Variants in ACOT11 observed in about 807,000 individuals in gnomAD.
The protein encoded by ACOT11 is acyl-CoA thioesterase 11, also known as acyl-coenzyme A thioesterase 11.
ACOT11 carries 69 observed loss-of-function variants against 77.5 expected under a neutral mutation model. That is an observed-to-expected ratio of 0.89 (90% CI 0.73 to 1.09). ACOT11 has a LOEUF of 1.09. Among genes scored for constraint, ACOT11 ranks in the 50% least tolerant of loss-of-function variants. The pLI is 0.00. For missense variants in ACOT11, 766 were observed against 813.7 expected, an observed-to-expected ratio of 0.94 and a Z score of 0.71; for synonymous variants, 279 against 313.0, an observed-to-expected ratio of 0.89 and a Z score of 1.15.
intron 1 of ACOT11, among the ~76,000 whole-genome samples, chr1:54,562,535 C>CG (rs1196685938): frequency 1.6e-4 from 10 of 62,946 alleles, no homozygotes; most frequent in African/African-American, 4.9e-4. Context: ...GCTGGCCGGG[C>CG]GGGGGGCTGA....
downstream of ACOT11, chr1:54,611,110 T>A: frequency 1.3e-6 from 1 of 793,154 alleles, no homozygotes; most frequent in Non-Finnish European, 1.5e-6. Flanking sequence ...GCTGTTTCTC[T>A]ATAAAATGGA....
Position 54,607,301 on chromosome 1 carries a change from C to T in ACOT11, c.1502+36C>T, listed in dbSNP as rs1644038120. On this transcript the variant is annotated intron_variant, in intron 14 of 15. Transcript: ENST00000343744. This position sits in a 1 kb window ranked among gnomAD's most constrained non-coding sequence, Gnocchi z 4.5. ...ATCTGCTGTGGGGTGGGGGACACAACTGGACAGGGTGGTAGGGTGGCCGCT... is the reference window on the plus strand; with the variant it reads ...ATCTGCTGTGGGGTGGGGGACACAATTGGACAGGGTGGTAGGGTGGCCGCT... 6.2e-7 allele frequency: 1 copy of T among 1,612,178 alleles called. No individual in the cohort carries two copies. The highest frequency in any genetic ancestry group is 1.1e-5 in the South Asian group (1 of 91,030).
intron 1 of ACOT11, among the ~76,000 whole-genome samples, chr1:54,555,486 T>C (rs1275905814): frequency 6.6e-6 from 1 of 152,216 alleles, no homozygotes; most frequent in African/African-American, 2.4e-5. Context: ...TAACCCCTTG[T>C]CAGATATATA....
intron 1 of ACOT11, among the ~76,000 whole-genome samples, chr1:54,554,333 G>GTGTATA (rs1324068229): frequency 2.1e-5 from 2 of 96,380 alleles, no homozygotes; most frequent in Admixed American, 1.2e-4. Context: ...GTGTGTGTGT[G>GTGTATA]TATATATATA....
At chr1:54,553,082 C>G (rs1416561092) in intron 1 of ACOT11, among the ~76,000 whole-genome samples, 3 of 151,862 alleles carry the variant, frequency 2.0e-5, no homozygotes, top group Non-Finnish European at 2.9e-5. Flanking sequence ...CCGCCTAGGC[C>G]TCCCAAAGTG....
chr1:54,584,677 A>G lies in ACOT11; in HGVS notation c.56A>G (p.Asn19Ser), dbSNP rs752075026. The change falls in exon 2 of 16, where the codon AAC (asparagine) becomes AGC (serine). Residue 19 changes from asparagine to serine, a missense_variant. Coordinates refer to ENST00000343744, the MANE Select transcript of ACOT11 (RefSeq NM_147161.4). This position sits in a 1 kb window ranked among gnomAD's most constrained non-coding sequence, Gnocchi z 6.3. ...LRRGLASVFS[N>S]RTSRKSALRA... ...CAGGGCTTGGCCTCTGTGTTCTCCA[A>G]CCGCACATCCCGGAAGTCAGCCTTA... 13 of 1,613,882 alleles carry G rather than the reference A, an allele frequency of 8.1e-6. No homozygotes were observed. The South Asian group carries it at 1.4e-4, about 18-fold the overall frequency.
At chr1:54,621,255 A>G (rs1644227733) in intron 15 of ACOT11, among the ~76,000 whole-genome samples, 1 of 151,798 alleles carries the variant, frequency 6.6e-6, no homozygotes. Flanking sequence ...TCAGGAGTTC[A>G]CGATCAGCCT....
intron 1 of ACOT11, among the ~76,000 whole-genome samples, chr1:54,579,073 C>G (rs1654210792): frequency 1.3e-5 from 2 of 152,158 alleles, no homozygotes; most frequent in Non-Finnish European, 2.9e-5. Flanking sequence ...ACATTGGGAC[C>G]ATCGTTTGTC....
chr1:54,556,560 T>C (rs1003723562), intron 1 of ACOT11, among the ~76,000 whole-genome samples: 4 of 152,160 alleles, frequency 2.6e-5, no homozygotes, highest in Non-Finnish European at 5.9e-5. Flanking sequence ...ATTTCTTTCA[T>C]TAATGATTTA....
intron 1 of ACOT11, among the ~76,000 whole-genome samples, chr1:54,576,727 A>G (rs76154349): frequency 0.036 from 5,429 of 152,226 alleles, 318 homozygotes; most frequent in African/African-American, 0.12. Context: ...TTAGCAATTT[A>G]GCTTGATTAA....
chr1:54,592,449 G>A, intron 3 of ACOT11, 97 bp from the exon 4 acceptor site: 2 of 1,207,948 alleles, frequency 1.7e-6, no homozygotes, highest in Non-Finnish European at 2.3e-6. Flanking sequence ...AAGTTATCCT[G>A]CCAGCTCCCC....
chr1:54,607,123 C>A lies in ACOT11; in HGVS notation c.1371-11C>A. On this transcript the variant is annotated splice_polypyrimidine_tract_variant and intron_variant, in intron 13 of 15. Transcript: ENST00000343744. This position sits in a 1 kb window ranked among gnomAD's most constrained non-coding sequence, Gnocchi z 4.5. ...GCTTCCTGGGGCACTGAGATCCCGG[C>A]CTCCCCACAGGAGCGTGGAGCTAGT... 1.9e-6 allele frequency: 3 copies of A among 1,613,796 alleles called. No individual in the cohort carries two copies. Among genetic ancestry groups the A allele is most frequent in the Non-Finnish European group, 2.5e-6 (3 of 1,179,830 alleles).
intron 1 of ACOT11, among the ~76,000 whole-genome samples, chr1:54,562,392 C>G (rs1356044037): frequency 1.6e-5 from 1 of 63,024 alleles, no homozygotes; most frequent in Non-Finnish European, 3.0e-5. Context: ...TAGGGGCAGC[C>G]GGGCAGAGGC....
intron 5 of ACOT11, 128 bp from the exon 6 acceptor site, chr1:54,594,428 T>C: frequency 7.9e-7 from 1 of 1,269,922 alleles, no homozygotes; most frequent in Non-Finnish European, 1.1e-6. Flanking sequence ...GAGGAAGCCT[T>C]GGAACTGAGC....
At chr1:54,611,020 GT>G (rs1644111826), downstream of ACOT11, 13 of 985,374 alleles carry the variant, frequency 1.3e-5, no homozygotes, top group Non-Finnish European at 1.6e-5. Flanking sequence ...ATAATGGGGG[GT>G]TTGGAATTTG....
chr1:54,599,203 TATATATATATATATATATATAA>T (rs372711607), intron 7 of ACOT11, 71 bp from the exon 8 acceptor site: 2,282 of 79,970 alleles, frequency 0.029, 250 homozygotes, highest in African/African-American at 0.14. Context: ...TATATATATA[TATATATATATATATATATATAA>T]AAATCTGGCC....
intron 1 of ACOT11, among the ~76,000 whole-genome samples, chr1:54,560,099 A>T (rs1028069116): frequency 2.6e-5 from 4 of 152,178 alleles, no homozygotes; most frequent in African/African-American, 9.7e-5. Flanking sequence ...AGAGTCTGAC[A>T]CTTTGGGGAC....
chr1:54,634,308 T>C (rs773142799), intron 16 of ACOT11, among the ~76,000 whole-genome samples: 6 of 152,244 alleles, frequency 3.9e-5, no homozygotes, highest in Non-Finnish European at 5.9e-5. Context: ...GCTGAGAATG[T>C]TTTTACAGAT....
intron 16 of ACOT11, among the ~76,000 whole-genome samples, chr1:54,634,191 T>G (rs1310888736): frequency 1.3e-5 from 2 of 152,218 alleles, no homozygotes; most frequent in African/African-American, 4.8e-5. Flanking sequence ...TTAGCTGACT[T>G]TGTGGGTATT....
Sources: gnomAD v4.1 joint callset for allele counts (sites outside exome capture counted in the v4.1 genomes callset) on GRCh38, gnomAD v4.1.1 for gene constraint, Gnocchi (gnomAD v3.1) non-coding constraint, MANE v1.5 for transcripts, NCBI Gene and HGNC (gene_info 2026-07-23, HGNC 2026-07-21) for gene names.